Variants in GPHN observed in about 807,000 individuals in gnomAD.
GPHN encodes the protein gephyrin.
In GPHN, 17 loss-of-function variants were observed where a neutral mutation model predicts 95.5. The ratio of observed to expected loss-of-function variants is 0.18; its 90% CI spans 0.12 to 0.27. GPHN has a LOEUF of 0.27. Ranked by LOEUF, GPHN falls within the 10% of genes least tolerant of loss-of-function variation. The pLI is 1.00. For missense variants in GPHN, 660 were observed against 978.1 expected, an observed-to-expected ratio of 0.67 and a Z score of 4.34; for synonymous variants, 320 against 322.5, an observed-to-expected ratio of 0.99 and a Z score of 0.08.
intron 2 of GPHN, among the ~76,000 whole-genome samples, chr14:66,727,985 C>T (rs1394594857): frequency 6.6e-6 from 1 of 152,134 alleles, no homozygotes; most frequent in Non-Finnish European, 1.5e-5. Context: ...GTTTCACGGG[C>T]TAGGCCCATG....
At chr14:67,015,665 C>G (rs72730447) in intron 9 of GPHN, among the ~76,000 whole-genome samples, 2 of 151,950 alleles carry the variant, frequency 1.3e-5, no homozygotes, top group Non-Finnish European at 2.9e-5. Context: ...CCACTCCACT[C>G]GAGCCTGGTG....
the GPHN span, among the ~76,000 whole-genome samples, chr14:67,482,571 C>A: frequency 2.6e-5 from 4 of 152,216 alleles, no homozygotes; most frequent in East Asian, 1.9e-4. Flanking sequence ...AGACCCACAG[C>A]CCTTCTAGGA....
At chr14:66,598,768 A>G (rs1250089273) in intron 1 of GPHN, among the ~76,000 whole-genome samples, 15 of 151,260 alleles carry the variant, frequency 9.9e-5, no homozygotes, top group Admixed American at 8.6e-4. Flanking sequence ...TCGCTTGACC[A>G]CGGAGGTTGC....
intron 5 of GPHN, among the ~76,000 whole-genome samples, chr14:66,888,483 G>C (rs138526326): frequency 6.6e-6 from 1 of 152,118 alleles, no homozygotes; most frequent in East Asian, 1.9e-4. Context: ...TATAAGAGCA[G>C]AGGTTTTGTA....
At chr14:67,347,792 G>A in the GPHN span, among the ~76,000 whole-genome samples, 15 of 151,682 alleles carry the variant, frequency 9.9e-5, no homozygotes, top group Non-Finnish European at 1.5e-4. Context: ...GAGCCACCGC[G>A]CCTGGCCTAA....
the GPHN span, chr14:67,270,886 GAA>G: frequency 6.6e-6 from 1 of 152,186 alleles, no homozygotes; most frequent in Non-Finnish European, 1.5e-5. Context: ...ATTTCTTGTA[GAA>G]TTAGGGACTT....
chr14:67,273,525 A>T, the GPHN span, among the ~76,000 whole-genome samples: 9 of 152,206 alleles, frequency 5.9e-5, no homozygotes, highest in East Asian at 1.7e-3. Context: ...TCTATCATTG[A>T]TGGACATTTG....
chr14:66,742,240 T>C (rs1463215361), intron 2 of GPHN, among the ~76,000 whole-genome samples: 1 of 152,214 alleles, frequency 6.6e-6, no homozygotes, highest in African/African-American at 2.4e-5. Flanking sequence ...ATATAATAAA[T>C]ACCTCACTTT....
the GPHN span, among the ~76,000 whole-genome samples, chr14:67,636,416 A>G: frequency 6.6e-6 from 1 of 152,262 alleles, no homozygotes; most frequent in Non-Finnish European, 1.5e-5. Flanking sequence ...TAGTGACACC[A>G]GCAGAGGATG....
At chr14:66,621,317 A>T (rs1267227916) in intron 1 of GPHN, among the ~76,000 whole-genome samples, 1 of 138,312 alleles carries the variant, frequency 7.2e-6, no homozygotes, top group East Asian at 2.2e-4. Flanking sequence ...GGATTTCACC[A>T]TGTTAGCCAG....
the GPHN span, among the ~76,000 whole-genome samples, chr14:67,601,464 A>T: frequency 6.6e-6 from 1 of 152,216 alleles, no homozygotes; most frequent in Non-Finnish European, 1.5e-5. Flanking sequence ...CGTGGTAGAC[A>T]GGCAAGACCT....
the GPHN span, among the ~76,000 whole-genome samples, chr14:67,545,126 TA>T: frequency 6.6e-6 from 1 of 152,202 alleles, no homozygotes; most frequent in Admixed American, 6.5e-5. Context: ...AATCAAGCTC[TA>T]GGGTGATGGT....
chr14:67,581,935 A>G, the GPHN span: 1 of 851,136 alleles, frequency 1.2e-6, no homozygotes, highest in Non-Finnish European at 1.8e-6. Flanking sequence ...TCTGGAGGCA[A>G]TACAAAATAG....
chr14:67,655,311 A>G, the GPHN span, among the ~76,000 whole-genome samples: 1 of 152,188 alleles, frequency 6.6e-6, no homozygotes, highest in Non-Finnish European at 1.5e-5. Context: ...TGGGTGACAG[A>G]GCAAGACCCT....
the GPHN span, chr14:67,353,053 A>G: frequency 6.3e-7 from 1 of 1,579,244 alleles, no homozygotes; most frequent in Non-Finnish European, 8.6e-7. Context: ...ATATAAACAT[A>G]AACAAAGTTA....
the GPHN span, chr14:67,398,071 A>G: frequency 1.1e-4 from 38 of 358,318 alleles, no homozygotes; most frequent in Non-Finnish European, 1.7e-4. Context: ...AAGTAAAAAG[A>G]AGAGAAAAAT....
the GPHN span, among the ~76,000 whole-genome samples, chr14:67,336,900 A>G: frequency 3.9e-5 from 6 of 152,246 alleles, no homozygotes; most frequent in African/African-American, 1.4e-4. Context: ...AACAGTCCCA[A>G]TGTCTTTAAA....
chr14:66,733,871 T>C (rs1220454402), intron 2 of GPHN, among the ~76,000 whole-genome samples: 1 of 152,214 alleles, frequency 6.6e-6, no homozygotes, highest in Non-Finnish European at 1.5e-5. Context: ...GCCAAAGATA[T>C]TGTAGCTGAA....
chr14:67,361,906 T>C, the GPHN span, among the ~76,000 whole-genome samples: 8 of 152,370 alleles, frequency 5.3e-5, no homozygotes, highest in African/African-American at 1.7e-4. Context: ...CCACCTTTCC[T>C]GTTCATTGCT....
Sources: allele counts gnomAD v4.1 joint callset (sites outside exome capture counted in the v4.1 genomes callset), GRCh38; gene constraint gnomAD v4.1.1; transcripts MANE v1.5; gene names NCBI Gene and HGNC (gene_info 2026-07-23, HGNC 2026-07-21).